The following CACNG5 variants were observed in gnomAD, a reference collection of about 807,000 sequenced individuals.
CACNG5 encodes the protein voltage-dependent calcium channel gamma-5 subunit.
CACNG5 carries 18 observed loss-of-function variants against 24.8 expected under a neutral mutation model. That is an observed-to-expected ratio of 0.73 (90% CI 0.50 to 1.08). The LOEUF is 1.08. Ranked by LOEUF, CACNG5 falls within the 50% of genes least tolerant of loss-of-function variation. CACNG5 has a pLI of 0.00. For missense variants in CACNG5, 349 were observed against 367.9 expected (o/e 0.95, Z 0.42); for synonymous variants, 157 against 149.1 (o/e 1.05, Z -0.39).
intron 1 of CACNG5, among the ~76,000 whole-genome samples, chr17:66,851,606 G>T (rs992942036): frequency 1.3e-5 from 2 of 152,132 alleles, no homozygotes; most frequent in African/African-American, 4.8e-5. Context: ...TTTCTAATCA[G>T]CAACAATGAA....
chr17:66,879,635 A>G (rs1172406771), intron 3 of CACNG5, among the ~76,000 whole-genome samples: 1 of 152,192 alleles, frequency 6.6e-6, no homozygotes, highest in South Asian at 2.1e-4. Flanking sequence ...AATCAGGACC[A>G]GCTAGATGAA....
chr17:66,853,043 T>A (rs1976727215), intron 1 of CACNG5, among the ~76,000 whole-genome samples: 1 of 151,992 alleles, frequency 6.6e-6, no homozygotes, highest in African/African-American at 2.4e-5. Flanking sequence ...CCTAGGCTGG[T>A]GTCAAACTCC....
chr17:66,837,531 G>A (rs1353015293), intron 1 of CACNG5, among the ~76,000 whole-genome samples: 1 of 152,176 alleles, frequency 6.6e-6, no homozygotes, highest in East Asian at 1.9e-4. Flanking sequence ...GCAGAATTGG[G>A]ACTAGCTACT....
rs1025114346 is a variant in CACNG5 at position 66,885,461 on chromosome 17, G to A, written c.*221G>A. On this transcript the variant is annotated 3_prime_UTR_variant, in exon 6 of 6. Transcript: ENST00000533854. The stretch of plus-strand genomic sequence containing the variant: ...GTCTGTGGGCAAGCTGATTGTCTGG[G>A]AACATGGGAGAAGCCCCGCCCATGT... 5.7e-5 allele frequency: 32 copies of A among 557,364 alleles called. No homozygotes were observed. Among genetic ancestry groups the A allele is most frequent in the African/African-American group, 5.1e-4 (27 of 53,442 alleles). The allele number at this position is 557,364 out of a possible 1,614,324, so 34.5% of individuals were successfully genotyped here. A position where few individuals can be genotyped will look rare whatever the true frequency, so the allele number is the denominator to read the frequency against.
chr17:66,885,314 C>T lies in CACNG5; in HGVS notation c.*74C>T. 1 of 1,495,520 alleles carries T rather than the reference C, an allele frequency of 6.7e-7. No individual in the cohort carries two copies. Among genetic ancestry groups the T allele is most frequent in the Non-Finnish European group, 8.9e-7 (1 of 1,127,272 alleles). The allele number at this position is 1,495,520 out of a possible 1,614,324, so 92.6% of individuals were successfully genotyped here. ...CTGTTCTCTCCAGGTGACCCCTGAG[C>T]CCCAGGCCTGTGGTTGACAGGCCCA... On this transcript the variant is annotated 3_prime_UTR_variant, in exon 6 of 6. Coordinates refer to ENST00000533854, the MANE Select transcript of CACNG5 (RefSeq NM_145811.3).
rs1287988297 is a variant in CACNG5 at position 66,852,983 on chromosome 17, CTTCTCTCTTCTCT to C, written c.-104+17748_-104+17760del. Among the ~76,000 whole-genome samples the C allele has an allele frequency of 4.7e-5, 7 of 150,330 alleles. No individual in the cohort carries two copies. The East Asian group carries it at 5.9e-4, about 13-fold the overall frequency. On this transcript the variant is annotated intron_variant, in intron 1 of 5. Transcript: ENST00000533854. ...CCTTCTCTCCTCCTTCTCTCTTCTCCTTCTCTCTTCTCTTTCTCTCTTCTCTTCTCTTCTCTTC... is the reference window on the plus strand; with the variant it reads ...CCTTCTCTCCTCCTTCTCTCTTCTCCTTCTCTCTTCTCTTCTCTTCTCTTC...
At chr17:66,858,027 G>C (rs1046698868) in intron 1 of CACNG5, among the ~76,000 whole-genome samples, 1 of 152,176 alleles carries the variant, frequency 6.6e-6, no homozygotes, top group Non-Finnish European at 1.5e-5. Flanking sequence ...TCCTGGGAGA[G>C]GTCATGGGCA....
chr17:66,886,765 C>T lies in CACNG5; in HGVS notation c.*1525C>T, dbSNP rs1257381409. ...GCCGGGCTGCCGCAATGAACTACCA[C>T]AGACTGAGTGGCTTAAATAACGCAC... On this transcript the variant is annotated 3_prime_UTR_variant, in exon 6 of 6. Transcript: ENST00000533854. Among the ~76,000 whole-genome samples the T allele has an allele frequency of 6.6e-6, 1 of 152,220 alleles. No homozygotes were observed. Among genetic ancestry groups the T allele is most frequent in the Non-Finnish European group, 1.5e-5 (1 of 68,046 alleles).
At chr17:66,843,727 G>T (rs1435019975) in intron 1 of CACNG5, among the ~76,000 whole-genome samples, 1 of 152,128 alleles carries the variant, frequency 6.6e-6, no homozygotes, top group Non-Finnish European at 1.5e-5. Flanking sequence ...CAACTCAAAG[G>T]CAGCTGGCAT....
chr17:66,840,056 G>A (rs1976545078), intron 1 of CACNG5, among the ~76,000 whole-genome samples: 1 of 152,110 alleles, frequency 6.6e-6, no homozygotes, highest in Non-Finnish European at 1.5e-5. Flanking sequence ...GGCCTTAGAC[G>A]AGCCACAGAA....
chr17:66,882,467 G>A (rs1977173074), intron 4 of CACNG5, among the ~76,000 whole-genome samples: 1 of 152,150 alleles, frequency 6.6e-6, no homozygotes, highest in Admixed American at 6.5e-5. Context: ...GGGAGTGGGA[G>A]AGGAATCCAT....
At chr17:66,858,813 T>C (rs1598051511) in intron 1 of CACNG5, among the ~76,000 whole-genome samples, 1 of 152,260 alleles carries the variant, frequency 6.6e-6, no homozygotes, top group East Asian at 1.9e-4. Context: ...GTAACCACTC[T>C]TTAAAGTGAC....
chr17:66,845,387 C>G (rs889139016), intron 1 of CACNG5, among the ~76,000 whole-genome samples: 8 of 151,716 alleles, frequency 5.3e-5, no homozygotes, highest in African/African-American at 1.5e-4. Flanking sequence ...TGTAGCAAAC[C>G]ACCATGGCAC....
chr17:66,887,674 C>T lies in CACNG5; in HGVS notation c.*2434C>T, dbSNP rs903702866. Among the ~76,000 whole-genome samples the T allele has an allele frequency of 3.9e-5, 6 of 152,076 alleles. No individual in the cohort carries two copies. The highest frequency in any genetic ancestry group is 1.5e-4 in the African/African-American group (6 of 41,372). Reference sequence around the variant, plus strand: ...CTGTGCCAGGCTTGTTTTTGGTGCACCTGGAAAAAGTAGAATCCACTCCTA... The same window carrying T: ...CTGTGCCAGGCTTGTTTTTGGTGCATCTGGAAAAAGTAGAATCCACTCCTA... On this transcript the variant is annotated 3_prime_UTR_variant, in exon 6 of 6. Transcript: ENST00000533854.
rs1450325742 is a variant in CACNG5, at chr17:66,888,021, C to T, written c.*2781C>T. ...AAATTAGGGTCTCTTCTTCAATATA[C>T]ATTCTGATCTTTTGTTTCCTCAAGC... On this transcript the variant is annotated 3_prime_UTR_variant, in exon 6 of 6. Coordinates refer to ENST00000533854, the MANE Select transcript of CACNG5 (RefSeq NM_145811.3). Among the ~76,000 whole-genome samples, 1 of 152,026 alleles carries T rather than the reference C, an allele frequency of 6.6e-6. No individual in the cohort carries two copies. The highest frequency in any genetic ancestry group is 1.5e-5 in the Non-Finnish European group (1 of 67,996).
chr17:66,863,573 AC>A (rs1264609446), intron 1 of CACNG5, among the ~76,000 whole-genome samples: 4 of 151,984 alleles, frequency 2.6e-5, no homozygotes, highest in African/African-American at 9.7e-5. Context: ...CACCATGTTG[AC>A]CAGGCTGGTC....
chr17:66,836,131 C>T (rs1568059517), intron 1 of CACNG5, among the ~76,000 whole-genome samples: 1 of 152,196 alleles, frequency 6.6e-6, no homozygotes, highest in South Asian at 2.1e-4. Context: ...CCTCCGGTAC[C>T]TGCCAGGCAC....
intron 1 of CACNG5, among the ~76,000 whole-genome samples, chr17:66,838,960 CTTTTTTT>C (rs71160595): frequency 6.8e-5 from 6 of 88,094 alleles, no homozygotes; most frequent in Non-Finnish European, 1.3e-4. Context: ...CTCACCCATT[CTTTTTTT>C]TTTTTTTTTT....
chr17:66,871,215 C>T (rs1258590859), intron 1 of CACNG5, among the ~76,000 whole-genome samples: 1 of 152,178 alleles, frequency 6.6e-6, no homozygotes, highest in Non-Finnish European at 1.5e-5. Context: ...GCCCATCCTG[C>T]TGGACACTGG....
Sources: gnomAD v4.1 joint callset for allele counts (sites outside exome capture counted in the v4.1 genomes callset) on GRCh38, gnomAD v4.1.1 for gene constraint, MANE v1.5 for transcripts, NCBI Gene and HGNC (gene_info 2026-07-23, HGNC 2026-07-21) for gene names.